MARCHF11: variants seen among roughly 807,000 people sequenced by gnomAD.
MARCHF11 encodes the protein E3 ubiquitin-protein ligase MARCHF11.
In MARCHF11, 29 loss-of-function variants were observed where a neutral mutation model predicts 37.3. The observed-to-expected ratio is 0.78, with a 90% CI of 0.58 to 1.06. The LOEUF is 1.06. MARCHF11 is among the 50% of genes least tolerant of loss of function. The pLI, the probability that MARCHF11 is intolerant of heterozygous loss-of-function variation, is 0.00. For missense variants in MARCHF11, 482 were observed against 533.4 expected (o/e 0.90, Z 0.95); for synonymous variants, 233 against 228.0 (o/e 1.02, Z -0.20).
rs975667675 is a variant in MARCHF11 at position 16,120,888 on chromosome 5, G to A, written c.694-29807C>T. ...CCTGGCAGCTTCTAGAGATATGCACGAGCCCAGTCAAGACCAAAAGAACTG... is the reference window on the plus strand; with the variant it reads ...CCTGGCAGCTTCTAGAGATATGCACAAGCCCAGTCAAGACCAAAAGAACTG... On this transcript the variant is annotated intron_variant, in intron 2 of 3. Transcript: ENST00000332432. Among the ~76,000 whole-genome samples the A allele has an allele frequency of 3.9e-5, 6 of 152,304 alleles. No homozygotes were observed. In the East Asian group the frequency reaches 5.8e-4, roughly 15 times the overall value.
chr5:16,102,430 C>G (rs577901387), intron 2 of MARCHF11, among the ~76,000 whole-genome samples: 1 of 152,282 alleles, frequency 6.6e-6, no homozygotes, highest in Admixed American at 6.5e-5. Flanking sequence ...CTGAATGTTG[C>G]CTTCTGTTCT....
chr5:16,095,874 A>C (rs1579683641), intron 2 of MARCHF11, among the ~76,000 whole-genome samples: 1 of 152,114 alleles, frequency 6.6e-6, no homozygotes, highest in Non-Finnish European at 1.5e-5. Flanking sequence ...CCTCCTGTGC[A>C]CCACAGAGCT....
chr5:16,069,369 A>G (rs1736399249), intron 3 of MARCHF11, among the ~76,000 whole-genome samples: 1 of 152,184 alleles, frequency 6.6e-6, no homozygotes, highest in South Asian at 2.1e-4. Flanking sequence ...GGAAGGAAAG[A>G]AACAAAATTG....
chr5:16,134,628 A>T (rs1049463442), intron 2 of MARCHF11, among the ~76,000 whole-genome samples: 1 of 152,226 alleles, frequency 6.6e-6, no homozygotes, highest in Admixed American at 6.5e-5. Context: ...CAAAAAAATT[A>T]TCATGTTCTT....
chr5:16,090,474 C>T (rs764810370), intron 3 of MARCHF11, among the ~76,000 whole-genome samples: 4 of 152,176 alleles, frequency 2.6e-5, no homozygotes, highest in South Asian at 4.2e-4. Flanking sequence ...TGTAAGACAT[C>T]GAGATGTCTG....
chr5:16,160,445 T>A (rs147676965), intron 2 of MARCHF11, among the ~76,000 whole-genome samples: 425 of 147,560 alleles, frequency 2.9e-3, no homozygotes, highest in African/African-American at 9.9e-3. Flanking sequence ...ATAAAATATC[T>A]TTTATATTTT....
intron 2 of MARCHF11, among the ~76,000 whole-genome samples, chr5:16,144,993 T>C (rs1192862690): frequency 6.6e-6 from 1 of 152,126 alleles, no homozygotes; most frequent in African/African-American, 2.4e-5. Context: ...ATCTTCTCAT[T>C]AGGATTAGGA....
intron 2 of MARCHF11, among the ~76,000 whole-genome samples, chr5:16,107,292 G>C (rs916004252): frequency 1.3e-5 from 2 of 151,542 alleles, no homozygotes. Context: ...AATAAACTAA[G>C]TAGTTTGGAA....
chr5:16,137,990 C>T (rs1737635599), intron 2 of MARCHF11, among the ~76,000 whole-genome samples: 1 of 152,166 alleles, frequency 6.6e-6, no homozygotes, highest in African/African-American at 2.4e-5. Context: ...AAGAGCGAAG[C>T]AGAGCATAAA....
intron 2 of MARCHF11, among the ~76,000 whole-genome samples, chr5:16,126,801 T>C (rs1378441691): frequency 6.6e-6 from 1 of 152,178 alleles, no homozygotes; most frequent in East Asian, 1.9e-4. Context: ...TAAAATTCAT[T>C]GTGTGTTCCA....
chr5:16,117,601 C>T (rs952537940), intron 2 of MARCHF11, among the ~76,000 whole-genome samples: 1 of 152,176 alleles, frequency 6.6e-6, no homozygotes, highest in African/African-American at 2.4e-5. Context: ...TTTAAACTCA[C>T]CTGTCAGCTG....
At chr5:16,069,996 A>C (rs2126542218) in intron 3 of MARCHF11, among the ~76,000 whole-genome samples, 1 of 152,362 alleles carries the variant, frequency 6.6e-6, no homozygotes, top group South Asian at 2.1e-4. Flanking sequence ...ATGTGGTCTA[A>C]CAAGCAAACA....
intron 2 of MARCHF11, among the ~76,000 whole-genome samples, chr5:16,125,445 C>A (rs1737387323): frequency 6.6e-6 from 1 of 152,106 alleles, no homozygotes; most frequent in African/African-American, 2.4e-5. Context: ...TGGCCCCCTG[C>A]AATGTGGGTT....
At chr5:16,129,404 G>A (rs990758149) in intron 2 of MARCHF11, 2 of 152,056 alleles carry the variant, frequency 1.3e-5, no homozygotes, top group African/African-American at 4.8e-5. Flanking sequence ...CCAGAATAAA[G>A]CGTGTCTTTC....
intron 3 of MARCHF11, among the ~76,000 whole-genome samples, chr5:16,088,204 C>T (rs996032912): frequency 2.6e-5 from 4 of 152,146 alleles, no homozygotes; most frequent in African/African-American, 7.2e-5. Flanking sequence ...CACACAGCAC[C>T]GCAGAGTTCA....
Position 16,067,364 on chromosome 5 carries a change from T to A in MARCHF11, c.*107A>T. Reference sequence around the variant, plus strand: ...ATGTTCATATAAAAAGCATAAATTTTAAAAAGTTCATAGATGTGTTTTTAG... The same window carrying A: ...ATGTTCATATAAAAAGCATAAATTTAAAAAAGTTCATAGATGTGTTTTTAG... On this transcript the variant is annotated 3_prime_UTR_variant, in exon 4 of 4. Coordinates refer to ENST00000332432, the MANE Select transcript of MARCHF11 (RefSeq NM_001102562.3). The A allele has an allele frequency of 1.9e-6, 2 of 1,038,894 alleles. No homozygotes were observed. The highest frequency in any genetic ancestry group is 2.4e-5 in the East Asian group (1 of 41,010). 64.4% of individuals were successfully genotyped at this position (1,038,894 alleles called of 1,614,324 possible).
intron 2 of MARCHF11, among the ~76,000 whole-genome samples, chr5:16,153,337 T>C (rs1737918736): frequency 1.3e-5 from 2 of 151,890 alleles, no homozygotes; most frequent in South Asian, 2.1e-4. Flanking sequence ...CAAGGACAAC[T>C]GGTTTGGCAG....
chr5:16,163,329 A>G (rs1738116967), intron 2 of MARCHF11, among the ~76,000 whole-genome samples: 2 of 152,076 alleles, frequency 1.3e-5, no homozygotes, highest in Admixed American at 1.3e-4. Context: ...ACAATTGCAT[A>G]AATTCATAGG....
rs533154059 is a variant in MARCHF11 at position 16,082,894 on chromosome 5, A to C, written c.886+7995T>G. On this transcript the variant is annotated intron_variant, in intron 3 of 3. Coordinates refer to ENST00000332432, the MANE Select transcript of MARCHF11 (RefSeq NM_001102562.3). ...CTATAACTCGCCTGCCATGTAACCC[A>C]AAGTGTCAGCCTCAGCAGGTAAGCA... is the stretch of plus-strand genomic sequence containing the variant. 2.6e-5 allele frequency among the ~76,000 whole-genome samples: 4 copies of C among 152,300 alleles called. No homozygotes were observed. The South Asian group carries it at 8.3e-4, about 32-fold the overall frequency.
Sources: allele counts gnomAD v4.1 joint callset (sites outside exome capture counted in the v4.1 genomes callset), GRCh38; gene constraint gnomAD v4.1.1; transcripts MANE v1.5; gene names NCBI Gene and HGNC (gene_info 2026-07-23, HGNC 2026-07-21).